LIMA1: variants seen among roughly 807,000 people sequenced by gnomAD.
LIMA1 encodes the protein LIM domain and actin-binding protein 1.
Under a neutral mutation model 62.6 loss-of-function variants are expected in LIMA1, and 52 were observed. The ratio of observed to expected loss-of-function variants is 0.83; its 90% confidence interval spans 0.67 to 1.05. The LOEUF is 1.05. LIMA1 is among the 50% of genes least tolerant of loss of function. The pLI, the probability that LIMA1 is intolerant of heterozygous loss-of-function variation, is 0.00. For synonymous variants in LIMA1, 302 were observed against 317.8 expected, an observed-to-expected ratio of 0.95 and a Z score of 0.53; for missense variants, 780 against 902.2, an observed-to-expected ratio of 0.86 and a Z score of 1.74.
intron 9 of LIMA1, chr12:50,187,615 T>C (rs574516566): frequency 5.3e-5 from 8 of 152,204 alleles, no homozygotes; most frequent in Non-Finnish European, 1.2e-4. Flanking sequence ...CTAGACACTC[T>C]TCTAGCATAA....
intron 9 of LIMA1, chr12:50,187,294 C>A (rs1402665481): frequency 6.6e-6 from 1 of 152,186 alleles, no homozygotes; most frequent in African/African-American, 2.4e-5. Flanking sequence ...TTGATGTTAA[C>A]TAGCCTTTAG....
intron 1 of LIMA1, among the ~76,000 whole-genome samples, chr12:50,276,419 A>G (rs1942276573): frequency 6.6e-6 from 1 of 152,216 alleles, no homozygotes; most frequent in African/African-American, 2.4e-5. Flanking sequence ...GGCATTAAAC[A>G]TATTGGTTTG....
chr12:50,269,467 C>T (rs891008511), intron 1 of LIMA1, among the ~76,000 whole-genome samples: 3 of 152,096 alleles, frequency 2.0e-5, no homozygotes, highest in Non-Finnish European at 4.4e-5. Flanking sequence ...TCAGGGTCAG[C>T]TTATTTCTGT....
At chr12:50,193,654 A>G (rs568780070) in intron 8 of LIMA1, among the ~76,000 whole-genome samples, 2 of 92,614 alleles carry the variant, frequency 2.2e-5, no homozygotes, top group African/African-American at 1.0e-4. Flanking sequence ...GTGTGTGTAT[A>G]TATATATATA....
chr12:50,177,961 G>C lies in LIMA1; in HGVS notation c.1383C>G (p.His461Gln), dbSNP rs1474165830. The C allele has an allele frequency of 6.2e-7, 1 of 1,613,510 alleles. No homozygotes were observed. Among genetic ancestry groups the C allele is most frequent in the Non-Finnish European group, 8.5e-7 (1 of 1,179,844 alleles). Reference sequence around the variant, plus strand: ...CATTTTTGCTTGCCCATAGATCCTTGTGTGGTCTGTGCCCAAAGCCTTCAT... The same window carrying C: ...CATTTTTGCTTGCCCATAGATCCTTCTGTGGTCTGTGCCCAAAGCCTTCAT... ...NYDEGFGHRP[H>Q]KDLWASKNEN... Residue 461 changes from histidine (H) to glutamine (Q), a missense_variant, in exon 11 of 11, where the codon CAC (histidine) becomes CAG (glutamine). Transcript: ENST00000341247.
At chr12:50,236,986 CT>C (rs1941705919) in intron 2 of LIMA1, among the ~76,000 whole-genome samples, 1 of 152,128 alleles carries the variant, frequency 6.6e-6, no homozygotes, top group African/African-American at 2.4e-5. Context: ...CAGGTTCTGT[CT>C]TACATTGCTG....
At chr12:50,195,216 T>G (rs1940902285) in intron 8 of LIMA1, among the ~76,000 whole-genome samples, 1 of 151,780 alleles carries the variant, frequency 6.6e-6, no homozygotes, top group South Asian at 2.1e-4. Flanking sequence ...AAAATGAAAA[T>G]TAAAAGTTAT....
intron 10 of LIMA1, among the ~76,000 whole-genome samples, chr12:50,179,280 T>A (rs1455135843): frequency 6.6e-6 from 1 of 152,142 alleles, no homozygotes; most frequent in Admixed American, 6.6e-5. Context: ...TAGTTGGGAC[T>A]ACAGGTGTGT....
At chr12:50,256,214 C>A (rs1941995303) in intron 1 of LIMA1, 2 of 151,978 alleles carry the variant, frequency 1.3e-5, no homozygotes, top group Non-Finnish European at 2.9e-5. Flanking sequence ...AGTTCTTTAA[C>A]CTTTTTTTTT....
intron 4 of LIMA1, among the ~76,000 whole-genome samples, chr12:50,207,966 CAT>C (rs968251637): frequency 6.6e-6 from 1 of 151,324 alleles, no homozygotes; most frequent in African/African-American, 2.4e-5. Context: ...AGACAGAAAA[CAT>C]ACCACATCAG....
In LIMA1 at chr12:50,248,621, A is replaced by G; in HGVS notation, c.119+12T>C. 6.5e-7 allele frequency: 1 copy of G among 1,530,028 alleles called. No individual in the cohort carries two copies. Among genetic ancestry groups the G allele is most frequent in the Non-Finnish European group, 9.1e-7 (1 of 1,103,436 alleles). 94.8% of individuals were successfully genotyped at this position (1,530,028 alleles called of 1,614,324 possible). A position where few individuals can be genotyped will look rare whatever the true frequency, so the allele number is the denominator to read the frequency against. On this transcript the variant is annotated intron_variant, in intron 2 of 10. Transcript: ENST00000341247. ...AGACAGATGGTCCTTTTGGACCAGGATCAGCACTTACTTGGAGAATATTTC... is the reference window on the plus strand; with the variant it reads ...AGACAGATGGTCCTTTTGGACCAGGGTCAGCACTTACTTGGAGAATATTTC...
At position 50,227,105 on chromosome 12, in the gene LIMA1, A is replaced by G. The variant is rs1378988102; in HGVS notation, c.165+4560T>C. Among the ~76,000 whole-genome samples the G allele has an allele frequency of 4.6e-5, 7 of 152,156 alleles. No homozygotes were observed. The East Asian group carries it at 1.4e-3, about 29-fold the overall frequency. On this transcript the variant is annotated intron_variant, in intron 3 of 10. Coordinates refer to ENST00000341247, the MANE Select transcript of LIMA1 (RefSeq NM_016357.5). ...ATAGATAGATGTATACTGTGTATCT[A>G]TATAGACAGAGTTATAGAACTTATC... is the stretch of plus-strand genomic sequence containing the variant.
intron 4 of LIMA1, among the ~76,000 whole-genome samples, chr12:50,219,056 A>C (rs1404166464): frequency 1.3e-5 from 2 of 152,232 alleles, no homozygotes; most frequent in Non-Finnish European, 2.9e-5. Flanking sequence ...AAAACGTGAA[A>C]TATTAAGAAT....
chr12:50,215,266 A>G (rs1941323288), intron 4 of LIMA1, among the ~76,000 whole-genome samples: 1 of 152,176 alleles, frequency 6.6e-6, no homozygotes, highest in South Asian at 2.1e-4. Flanking sequence ...GGAACAAGTG[A>G]AGTTTTTGTT....
chr12:50,221,746 A>C lies in LIMA1; in HGVS notation c.630+275T>G, dbSNP rs141945484. 1.8e-4 allele frequency among the ~76,000 whole-genome samples: 28 copies of C among 152,350 alleles called. No homozygotes were observed. The East Asian group carries it at 5.2e-3, about 28-fold the overall frequency. ...AGACAATTTAAAAGGGCAAGTGTACAAAAACACATAATCCAATCGGTATTA... is the reference window on the plus strand; with the variant it reads ...AGACAATTTAAAAGGGCAAGTGTACCAAAACACATAATCCAATCGGTATTA... On this transcript the variant is annotated intron_variant, in intron 4 of 10. Coordinates refer to ENST00000341247, the MANE Select transcript of LIMA1 (RefSeq NM_016357.5).
At chr12:50,227,633 T>G (rs1004992249) in intron 3 of LIMA1, among the ~76,000 whole-genome samples, 1 of 152,108 alleles carries the variant, frequency 6.6e-6, no homozygotes, top group Non-Finnish European at 1.5e-5. Flanking sequence ...AGGCCTGTTC[T>G]CTTATGCCTT....
intron 1 of LIMA1, among the ~76,000 whole-genome samples, chr12:50,265,807 T>C (rs1449716759): frequency 2.6e-5 from 4 of 152,120 alleles, no homozygotes; most frequent in African/African-American, 9.7e-5. Flanking sequence ...GCAATGTAAA[T>C]TTTTTAAATC....
intron 1 of LIMA1, among the ~76,000 whole-genome samples, chr12:50,260,900 G>A (rs1331419900): frequency 8.1e-6 from 1 of 122,874 alleles, no homozygotes; most frequent in Non-Finnish European, 1.6e-5. Flanking sequence ...CACTAGCTGA[G>A]TGATCTTGGG....
intron 3 of LIMA1, among the ~76,000 whole-genome samples, chr12:50,230,600 C>T (rs902291996): frequency 1.3e-5 from 2 of 151,930 alleles, no homozygotes; most frequent in Admixed American, 1.3e-4. Flanking sequence ...CAGAGTCTCG[C>T]TCTGGCTGAC....
Sources: gnomAD v4.1 joint callset for allele counts (sites outside exome capture counted in the v4.1 genomes callset) on GRCh38, gnomAD v4.1.1 for gene constraint, MANE v1.5 for transcripts, NCBI Gene and HGNC (gene_info 2026-07-23, HGNC 2026-07-21) for gene names.